TMEM185A: variants seen among roughly 807,000 people sequenced by gnomAD.
TMEM185A encodes the protein transmembrane protein 185A.
A neutral mutation model predicts 25.0 loss-of-function variants in TMEM185A; 9 were observed. The observed-to-expected ratio is 0.36, with a 90% CI of 0.22 to 0.63. The LOEUF (loss-of-function observed/expected upper bound fraction) is 0.63. Ranked by LOEUF, TMEM185A falls within the 20% of genes least tolerant of loss-of-function variation. The pLI is 0.68. For synonymous variants in TMEM185A, 45 were observed against 93.5 expected (o/e 0.48, Z 2.99); for missense variants, 103 against 237.4 (o/e 0.43, Z 3.72).
Position 149,604,615 on chromosome X carries a change from G to A in TMEM185A, c.424-545C>T, listed in dbSNP as rs1004494280. On this transcript the variant is annotated intron_variant, in intron 3 of 6. Coordinates refer to ENST00000600449, the MANE Select transcript of TMEM185A (RefSeq NM_032508.4). ...CCTTCTCATTAAAAACAAAAGCCCC[G>A]AAACCAGATAAACCCACCCCATCCT... 7.2e-5 allele frequency among the ~76,000 whole-genome samples: 8 copies of A among 110,455 alleles called. No homozygotes were observed. In the South Asian group the frequency reaches 2.7e-3, roughly 38 times the overall value.
At chrX:149,618,182 CAG>C (rs782794799) in intron 1 of TMEM185A, among the ~76,000 whole-genome samples, 1 of 111,896 alleles carries the variant, frequency 8.9e-6, no homozygotes, top group Admixed American at 9.5e-5. Context: ...GAGCAGCTAA[CAG>C]GTCTCCACTC....
chrX:149,618,644 A>G (rs1557355276), intron 1 of TMEM185A, among the ~76,000 whole-genome samples: 1 of 111,769 alleles, frequency 8.9e-6, no homozygotes, highest in Admixed American at 9.5e-5. Context: ...GATCCCAAAG[A>G]GCTCTGGTTG....
chrX:149,631,627 C>T lies in TMEM185A; in HGVS notation c.-47G>A, dbSNP rs1450588818. 5.4e-6 allele frequency: 6 copies of T among 1,110,869 alleles called. No individual in the cohort carries two copies. Among genetic ancestry groups the T allele is most frequent in the East Asian group, 3.6e-5 (1 of 27,733 alleles). The allele number at this position is 1,110,869 out of a possible 1,213,427, so 91.5% of individuals were successfully genotyped here. A position where few individuals can be genotyped will look rare whatever the true frequency, so the allele number is the denominator to read the frequency against. ...GTCCTCCTCCTCCTCCCCCGCACCC[C>T]GTGCTGCACAGCCTGCGCCTTACAG... On this transcript the variant is annotated 5_prime_UTR_variant, in exon 1 of 7. Transcript: ENST00000600449.
chrX:149,614,137 A>G (rs2090098847), intron 1 of TMEM185A, among the ~76,000 whole-genome samples: 1 of 111,854 alleles, frequency 8.9e-6, no homozygotes, highest in Non-Finnish European at 1.9e-5. Flanking sequence ...TTCCTTTCAA[A>G]CACACACGGA....
intron 1 of TMEM185A, among the ~76,000 whole-genome samples, chrX:149,628,509 T>C (rs896189844): frequency 1.8e-5 from 2 of 112,174 alleles, no homozygotes; most frequent in Non-Finnish European, 3.8e-5. Context: ...CAGATGGAAA[T>C]AGGTAGAGTG....
intron 1 of TMEM185A, among the ~76,000 whole-genome samples, chrX:149,615,532 A>C (rs1302223071): frequency 8.9e-6 from 1 of 111,744 alleles, no homozygotes; most frequent in Admixed American, 9.5e-5. Flanking sequence ...TATAGGCAAC[A>C]TGATATTCCG....
intron 1 of TMEM185A, among the ~76,000 whole-genome samples, chrX:149,615,872 T>C (rs1409133019): frequency 8.9e-6 from 1 of 112,190 alleles, no homozygotes; most frequent in African/African-American, 3.2e-5. Flanking sequence ...GGGAAGCTAA[T>C]AAACAACAGA....
rs782107252 is a variant in TMEM185A at position 149,608,847 on chromosome X, GAGA to G, written c.216-16_216-14del. 1 of 1,203,139 alleles carries G rather than the reference GAGA, an allele frequency of 8.3e-7. No homozygotes were observed. Among genetic ancestry groups the G allele is most frequent in the Non-Finnish European group, 1.1e-6 (1 of 888,551 alleles). On this transcript the variant is annotated splice_polypyrimidine_tract_variant and intron_variant, in intron 2 of 6. Transcript: ENST00000600449. The stretch of plus-strand genomic sequence containing the variant: ...TTCTCCTTCTGCTCTAAAAAAGGGA[GAGA>G]AGAAGAAAACACCCTCAGTTCAGAA...
In TMEM185A at chrX:149,631,729, T is replaced by TCGCCGCCGCCGCCGCCGCCGC. The variant is rs1368795487; in HGVS notation, c.-150_-149insGCGGCGGCGGCGGCGGCGGCG. The TCGCCGCCGCCGCCGCCGCCGC allele has an allele frequency of 1.8e-5, 8 of 438,382 alleles. No individual in the cohort carries two copies. In the East Asian group the frequency reaches 1.9e-4, roughly 10 times the overall value. 36.1% of individuals were successfully genotyped at this position (438,382 alleles called of 1,213,427 possible). ...GCTGCCGTCCCCGCTGCCGTCGCCGTCGCCGTCGCCGCCGCCGCCGCCGCC... is the reference window on the plus strand; with the variant it reads ...GCTGCCGTCCCCGCTGCCGTCGCCGTCGCCGCCGCCGCCGCCGCCGCCGCCGTCGCCGCCGCCGCCGCCGCC... On this transcript the variant is annotated 5_prime_UTR_variant, in exon 1 of 7. Transcript: ENST00000600449.
intron 3 of TMEM185A, among the ~76,000 whole-genome samples, chrX:149,605,666 G>A (rs1327413757): frequency 3.6e-5 from 4 of 112,135 alleles, no homozygotes; most frequent in African/African-American, 6.5e-5. Flanking sequence ...ACACTGTCAC[G>A]TTCAGTCACC....
chrX:149,612,772 G>C (rs1459054489), intron 1 of TMEM185A, among the ~76,000 whole-genome samples: 17 of 112,041 alleles, frequency 1.5e-4, no homozygotes, highest in African/African-American at 5.2e-4. Context: ...CATTCAGGTT[G>C]TTGGCAGAAT....
chrX:149,624,316 C>T lies in TMEM185A; in HGVS notation c.38+7227G>A, dbSNP rs782437231. On this transcript the variant is annotated intron_variant, in intron 1 of 6. Transcript: ENST00000600449. ...GAGCTTTCTGCTCAGGCTCAAATTC[C>T]CTCTCTCCACTTTGCAGGGTTGGGA... Among the ~76,000 whole-genome samples, 7 of 112,139 alleles carry T rather than the reference C, an allele frequency of 6.2e-5. No individual in the cohort carries two copies. In the East Asian group the frequency reaches 1.9e-3, roughly 31 times the overall value.
At chrX:149,619,595 G>A (rs2090129226) in intron 1 of TMEM185A, among the ~76,000 whole-genome samples, 1 of 108,885 alleles carries the variant, frequency 9.2e-6, no homozygotes, top group African/African-American at 3.4e-5. Context: ...CTGGTGTGCT[G>A]CACCCATTAA....
At chrX:149,609,250 C>T (rs1469267234) in intron 2 of TMEM185A, among the ~76,000 whole-genome samples, 1 of 112,433 alleles carries the variant, frequency 8.9e-6, no homozygotes, top group Non-Finnish European at 1.9e-5. Flanking sequence ...GTCTCATGAT[C>T]CTCATTTTTC....
At chrX:149,606,489 T>C (rs957805117) in intron 3 of TMEM185A, among the ~76,000 whole-genome samples, 2 of 112,687 alleles carry the variant, frequency 1.8e-5, no homozygotes, top group African/African-American at 6.5e-5. Flanking sequence ...GGCCCCTATT[T>C]GCCCCAATCC....
In TMEM185A at chrX:149,606,230, G is replaced by A. The variant is rs1156742883; in HGVS notation, c.424-2160C>T. On this transcript the variant is annotated intron_variant, in intron 3 of 6. Coordinates refer to ENST00000600449, the MANE Select transcript of TMEM185A (RefSeq NM_032508.4). The stretch of plus-strand genomic sequence containing the variant: ...TGTTCTTCACCCGGATTTTCACACA[G>A]CATTAGCCTTTTTTGTTTTCACAGC... Among the ~76,000 whole-genome samples the A allele has an allele frequency of 3.6e-5, 4 of 112,554 alleles. No homozygotes were observed. In the Admixed American group the frequency reaches 3.7e-4, roughly 11 times the overall value.
Position 149,596,758 on chromosome X carries a change from A to G in TMEM185A, c.*1253T>C, listed in dbSNP as rs2089991696. Reference sequence around the variant, plus strand: ...ATTAACCCCATGTAGGCCGGCGAGCAGTTGCCCGCGTGAAAACACCACCCT... The same window carrying G: ...ATTAACCCCATGTAGGCCGGCGAGCGGTTGCCCGCGTGAAAACACCACCCT... On this transcript the variant is annotated 3_prime_UTR_variant, in exon 7 of 7. Coordinates refer to ENST00000600449, the MANE Select transcript of TMEM185A (RefSeq NM_032508.4). 8.8e-6 allele frequency: 1 copy of G among 113,602 alleles called. No homozygotes were observed. The highest frequency in any genetic ancestry group is 1.9e-5 in the Non-Finnish European group (1 of 53,437). 9.4% of individuals were successfully genotyped at this position (113,602 alleles called of 1,213,427 possible).
intron 1 of TMEM185A, among the ~76,000 whole-genome samples, chrX:149,628,482 A>G (rs2090175113): frequency 8.9e-6 from 1 of 112,390 alleles, no homozygotes; most frequent in African/African-American, 3.2e-5. Context: ...GAAGTTCATG[A>G]TCAACCAGTT....
At chrX:149,629,800 G>T (rs1274285504) in intron 1 of TMEM185A, among the ~76,000 whole-genome samples, 1 of 112,075 alleles carries the variant, frequency 8.9e-6, no homozygotes, top group Non-Finnish European at 1.9e-5. Flanking sequence ...AACTCCGTTA[G>T]CCTGTTTGAT....
Sources: gnomAD v4.1 joint callset for allele counts (sites outside exome capture counted in the v4.1 genomes callset) on GRCh38, gnomAD v4.1.1 for gene constraint, MANE v1.5 for transcripts, NCBI Gene and HGNC (gene_info 2026-07-23, HGNC 2026-07-21) for gene names.